POU2F2: variants seen among roughly 807,000 people sequenced by gnomAD.
The protein encoded by POU2F2 is POU class 2 homeobox 2.
Under a neutral mutation model 63.5 loss-of-function variants are expected in POU2F2, and 14 were observed. That is an observed-to-expected ratio of 0.22 (90% confidence interval 0.15 to 0.34). The LOEUF is 0.34. Ranked by LOEUF, POU2F2 falls within the 10% of genes least tolerant of loss-of-function variation. The probability of loss-of-function intolerance (pLI) is 1.00; values close to 1 mark genes in which losing one functional copy is unlikely to be tolerated. For missense variants in POU2F2, 607 were observed against 815.2 expected (o/e 0.74, Z 3.11); for synonymous variants, 306 against 348.6 (o/e 0.88, Z 1.36).
chr19:42,087,354 A>G lies in POU2F2; in HGVS notation c.*3903T>C, dbSNP rs1049566914. 6.6e-6 allele frequency: 1 copy of G among 152,062 alleles called. No individual in the cohort carries two copies. Among genetic ancestry groups the G allele is most frequent in the Non-Finnish European group, 1.5e-5 (1 of 68,008 alleles). The allele number at this position is 152,062 out of a possible 1,614,324, so 9.4% of individuals were successfully genotyped here. A position where few individuals can be genotyped will look rare whatever the true frequency, so the allele number is the denominator to read the frequency against. On this transcript the variant is annotated 3_prime_UTR_variant, in exon 15 of 15. Coordinates refer to ENST00000692977, the MANE Select transcript of POU2F2 (RefSeq NM_001394376.1). The stretch of plus-strand genomic sequence containing the variant: ...GGTGTTCATGTGGGTTAGAAAAACT[A>G]GTCAGGTCAAGAGGTCACCCTGACT...
At chr19:42,196,029 T>C (rs2035141532) in intron 1 of POU2F2, among the ~76,000 whole-genome samples, 1 of 152,052 alleles carries the variant, frequency 6.6e-6, no homozygotes, top group Admixed American at 6.6e-5. Flanking sequence ...ATATGAACAG[T>C]TCGTTTCTGT....
chr19:42,096,370 G>C lies in POU2F2; in HGVS notation c.568-127C>G. ...CATCCGCCGCCTGCAGACTCCCCCCGCCTTCCTCCACAAGCACCGTCAATC... is the reference window on the plus strand; with the variant it reads ...CATCCGCCGCCTGCAGACTCCCCCCCCCTTCCTCCACAAGCACCGTCAATC... On this transcript the variant is annotated intron_variant, in intron 7 of 14. Transcript: ENST00000692977. The surrounding 1 kb of genome is among the most constrained non-coding windows in gnomAD (Gnocchi z 4.1). 2 of 980,250 alleles carry C rather than the reference G, an allele frequency of 2.0e-6. No homozygotes were observed. Among genetic ancestry groups the C allele is most frequent in the Non-Finnish European group, 2.9e-6 (2 of 682,908 alleles). 60.7% of individuals were successfully genotyped at this position (980,250 alleles called of 1,614,324 possible). A position where few individuals can be genotyped will look rare whatever the true frequency, so the allele number is the denominator to read the frequency against.
intron 5 of POU2F2, among the ~76,000 whole-genome samples, chr19:42,113,756 G>C (rs1401433912): frequency 6.6e-6 from 1 of 152,234 alleles, no homozygotes; most frequent in Non-Finnish European, 1.5e-5. Flanking sequence ...GGAAATGTTT[G>C]TGGAATGACT....
At chr19:42,120,816 C>A (rs543986197) in intron 4 of POU2F2, among the ~76,000 whole-genome samples, 1 of 152,308 alleles carries the variant, frequency 6.6e-6, no homozygotes, top group Non-Finnish European at 1.5e-5. Flanking sequence ...ATCCACTTCA[C>A]ATTTTCCATA....
chr19:42,170,803 C>A, intron 1 of POU2F2, among the ~76,000 whole-genome samples: 1 of 152,248 alleles, frequency 6.6e-6, no homozygotes, highest in East Asian at 1.9e-4. Flanking sequence ...TGCAACAGAG[C>A]CGGATCTGGC....
chr19:42,089,031 G>A lies in POU2F2; in HGVS notation c.*2226C>T, dbSNP rs749788687. The A allele has an allele frequency of 2.6e-5, 4 of 152,626 alleles. No homozygotes were observed. Among genetic ancestry groups the A allele is most frequent in the Non-Finnish European group, 5.9e-5 (4 of 68,056 alleles). 9.5% of individuals were successfully genotyped at this position (152,626 alleles called of 1,614,324 possible). On this transcript the variant is annotated 3_prime_UTR_variant, in exon 15 of 15. Coordinates refer to ENST00000692977, the MANE Select transcript of POU2F2 (RefSeq NM_001394376.1). ...TCAGAGTGTCCGGCAGAAAGTGGAA[G>A]CTGCCCAGGCCAAAGCCCTGCGGTC...
upstream of POU2F2, among the ~76,000 whole-genome samples, chr19:42,197,800 GCTGC>G (rs1281448593): frequency 6.6e-6 from 1 of 152,158 alleles, no homozygotes; most frequent in African/African-American, 2.4e-5. Flanking sequence ...AGAACCTCTG[GCTGC>G]CTATCTTTTC....
chr19:42,109,652 T>C (rs962543223), intron 5 of POU2F2, among the ~76,000 whole-genome samples: 3 of 152,154 alleles, frequency 2.0e-5, no homozygotes, highest in Non-Finnish European at 4.4e-5. Context: ...TAGTTTTTGT[T>C]TTTTAAGAGA....
intron 1 of POU2F2, chr19:42,160,439 C>T (rs906458352): frequency 2.6e-5 from 4 of 152,216 alleles, no homozygotes; most frequent in African/African-American, 7.2e-5. Context: ...AATTCCCCAT[C>T]CTCATGCAGG....
At chr19:42,194,672 T>G (rs1470197789) in intron 1 of POU2F2, among the ~76,000 whole-genome samples, 1 of 136,822 alleles carries the variant, frequency 7.3e-6, no homozygotes, top group South Asian at 2.3e-4. Context: ...AGCAGAAGGA[T>G]CTCTTGAACC....
In POU2F2 at chr19:42,096,019, G is replaced by A. The variant is rs1407238430; in HGVS notation, c.729+63C>T. ...CGCCCGCCCACTGGCCACGCCCCTC[G>A]CGGCATCTATCAACTGGCCACGCCC... On this transcript the variant is annotated intron_variant, in intron 8 of 14. Coordinates refer to ENST00000692977, the MANE Select transcript of POU2F2 (RefSeq NM_001394376.1). The surrounding 1 kb of genome is among the most constrained non-coding windows in gnomAD (Gnocchi z 4.1). 2 of 1,609,440 alleles carry A rather than the reference G, an allele frequency of 1.2e-6. No individual in the cohort carries two copies. The highest frequency in any genetic ancestry group is 2.7e-5 in the African/African-American group (2 of 74,782).
chr19:42,115,106 C>T (rs866597511), intron 5 of POU2F2, among the ~76,000 whole-genome samples: 5 of 151,804 alleles, frequency 3.3e-5, no homozygotes, highest in Admixed American at 6.6e-5. Context: ...AGCCATAATC[C>T]GCCACTGCAC....
chr19:42,172,975 C>T (rs962260306), intron 1 of POU2F2, among the ~76,000 whole-genome samples: 11 of 152,146 alleles, frequency 7.2e-5, no homozygotes, highest in African/African-American at 2.2e-4. Flanking sequence ...TTGGTTCTAG[C>T]GCCAGCATGG....
rs1447612946 is a variant in POU2F2 at position 42,195,164 on chromosome 19, GA to G, written c.-70+1218del. Among the ~76,000 whole-genome samples, 322 of 142,806 alleles carry G rather than the reference GA, an allele frequency of 2.3e-3. 2 individuals carry two copies. Among genetic ancestry groups the G allele is most frequent in the Non-Finnish European group, 3.6e-3 (232 of 65,008 alleles). 93.7% of individuals were successfully genotyped at this position (142,806 alleles called of 152,430 possible). A position where few individuals can be genotyped will look rare whatever the true frequency, so the allele number is the denominator to read the frequency against. On this transcript the variant is annotated intron_variant, in intron 1 of 5. Transcript: ENST00000532176. ...AAGGGAGGGAGGGAGGGAAAGAAGG[GA>G]GGGGGAATGGAGGGAGGGATGAGAG...
chr19:42,128,241 C>T (rs1401047699), intron 1 of POU2F2, among the ~76,000 whole-genome samples: 1 of 152,116 alleles, frequency 6.6e-6, no homozygotes, highest in Non-Finnish European at 1.5e-5. Flanking sequence ...AATCCCCTAA[C>T]TGACCAGGGC....
intron 1 of POU2F2, among the ~76,000 whole-genome samples, chr19:42,182,242 A>AGAGAGAGAG (rs2034969394): frequency 7.9e-6 from 1 of 125,880 alleles, no homozygotes; most frequent in Non-Finnish European, 1.6e-5. Flanking sequence ...TCTGTCTCAA[A>AGAGAGAGAG]AGAGAGAGAG....
intron 4 of POU2F2, among the ~76,000 whole-genome samples, chr19:42,118,964 C>T (rs2032259260): frequency 6.6e-6 from 1 of 152,068 alleles, no homozygotes; most frequent in Admixed American, 6.5e-5. Flanking sequence ...TGGCATGTCC[C>T]AAATTATGGA....
In POU2F2 at chr19:42,095,153, G is replaced by A. The variant is rs1568976937; in HGVS notation, c.1197+133C>T. On this transcript the variant is annotated intron_variant, in intron 11 of 14. Coordinates refer to ENST00000692977, the MANE Select transcript of POU2F2 (RefSeq NM_001394376.1). This position sits in a 1 kb window ranked among gnomAD's most constrained non-coding sequence, Gnocchi z 7.1. ...TCCCTGTGTAACTGTGCCCATCTAC[G>A]TGATGGCCTGTCTCCAAGAGTGACT... is the stretch of plus-strand genomic sequence containing the variant. 4.3e-6 allele frequency: 5 copies of A among 1,170,466 alleles called. No homozygotes were observed. The highest frequency in any genetic ancestry group is 2.9e-4 in the Middle Eastern group (1 of 3,438). 72.5% of individuals were successfully genotyped at this position (1,170,466 alleles called of 1,614,324 possible).
chr19:42,111,965 T>C (rs1008907814), intron 5 of POU2F2, among the ~76,000 whole-genome samples: 6 of 152,150 alleles, frequency 3.9e-5, no homozygotes, highest in African/African-American at 1.4e-4. Flanking sequence ...ACCCAGGAAG[T>C]TGTGGCGATC....
Sources: gnomAD v4.1 joint callset for allele counts (sites outside exome capture counted in the v4.1 genomes callset) on GRCh38, gnomAD v4.1.1 for gene constraint, Gnocchi (gnomAD v3.1) non-coding constraint, MANE v1.5 for transcripts, NCBI Gene and HGNC (gene_info 2026-07-23, HGNC 2026-07-21) for gene names.